UTP15: variants seen among roughly 807,000 people sequenced by gnomAD.
The protein encoded by UTP15 is U3 small nucleolar RNA-associated protein 15 homolog.
In UTP15, 5 loss-of-function variants were observed where a neutral mutation model predicts 59.1. The ratio of observed to expected loss-of-function variants is 0.08; its 90% CI spans 0.04 to 0.18. The LOEUF is 0.18. Ranked by LOEUF, UTP15 falls within the 10% of genes least tolerant of loss-of-function variation. UTP15 has a pLI of 1.00. For synonymous variants in UTP15, 211 were observed against 212.2 expected (o/e 0.99, Z 0.05); for missense variants, 494 against 616.7 (o/e 0.80, Z 2.11).
intron 9 of UTP15, 85 bp downstream of exon 9, chr5:73,578,090 A>C: frequency 7.1e-7 from 1 of 1,413,024 alleles, no homozygotes; most frequent in East Asian, 2.4e-5. Flanking sequence ...TGGAAAGCGT[A>C]GTTCACATGG....
Position 73,580,115 on chromosome 5 carries a change from T to C in UTP15, c.*21T>C, listed in dbSNP as rs759587950. 5 of 1,594,048 alleles carry C rather than the reference T, an allele frequency of 3.1e-6. No homozygotes were observed. The Admixed American group carries it at 5.1e-5, about 16-fold the overall frequency. ...CATAGTGTCTGCTAAATAAGACATATAAGAACTCTGAAGTTGGAATAGATT... is the reference window on the plus strand; with the variant it reads ...CATAGTGTCTGCTAAATAAGACATACAAGAACTCTGAAGTTGGAATAGATT... On this transcript the variant is annotated 3_prime_UTR_variant, in exon 13 of 13. Transcript: ENST00000296792.
chr5:73,578,092 T>A, intron 9 of UTP15, 87 bp downstream of exon 9: 1 of 1,411,172 alleles, frequency 7.1e-7, no homozygotes, highest in Admixed American at 2.5e-5. Context: ...GAAAGCGTAG[T>A]TCACATGGCA....
At position 73,580,800 on chromosome 5, in the gene UTP15, C is replaced by T. The variant is rs1184470921; in HGVS notation, c.*706C>T. Reference sequence around the variant, plus strand: ...TGCAGCCTTTCTACCAAGTTTTCACCTTGTTTCAGGTCAGAGGAATGATAG... The same window carrying T: ...TGCAGCCTTTCTACCAAGTTTTCACTTTGTTTCAGGTCAGAGGAATGATAG... On this transcript the variant is annotated 3_prime_UTR_variant, in exon 13 of 13. Coordinates refer to ENST00000296792, the MANE Select transcript of UTP15 (RefSeq NM_032175.4). 1.3e-5 allele frequency: 2 copies of T among 151,794 alleles called. No individual in the cohort carries two copies. The highest frequency in any genetic ancestry group is 3.9e-4 in the East Asian group (2 of 5,182). The allele number at this position is 151,794 out of a possible 1,614,324, so 9.4% of individuals were successfully genotyped here.
intron 6 of UTP15, 128 bp from the exon 7 acceptor site, chr5:73,572,361 A>G (rs1747955397): frequency 1.7e-6 from 2 of 1,190,526 alleles, no homozygotes; most frequent in Non-Finnish European, 2.4e-6. Context: ...TTTACCAGGC[A>G]GCCTGGCCTG....
At chr5:73,568,656 T>C in intron 4 of UTP15, 52 bp downstream of exon 4, 1 of 1,503,530 alleles carries the variant, frequency 6.7e-7, no homozygotes, top group South Asian at 1.3e-5. Flanking sequence ...TTGTAAGCTC[T>C]TTTTTTCTCT....
At chr5:73,569,476 T>G in intron 4 of UTP15, 21 bp from the exon 5 acceptor site, 1 of 1,509,804 alleles carries the variant, frequency 6.6e-7, no homozygotes, top group Non-Finnish European at 8.9e-7. Context: ...CTTTTTAATA[T>G]ACTGACCTTC....
In UTP15 at chr5:73,577,043, A is replaced by G; in HGVS notation, c.894+7A>G. 5.0e-6 allele frequency: 8 copies of G among 1,591,820 alleles called. No homozygotes were observed. The highest frequency in any genetic ancestry group is 6.8e-6 in the Non-Finnish European group (8 of 1,170,946). On this transcript the variant is annotated splice_region_variant and intron_variant, in intron 8 of 12. Coordinates refer to ENST00000296792, the MANE Select transcript of UTP15 (RefSeq NM_032175.4). ...TTTGAGTCTTGCCCTTGCAGTAAGT[A>G]CCTTTACCTATTTTTAAGTCTGTCA...
chr5:73,568,247 A>T lies in UTP15; in HGVS notation c.103A>T (p.Ile35Phe), dbSNP rs981668622. The T allele has an allele frequency of 6.2e-7, 1 of 1,609,542 alleles. No individual in the cohort carries two copies. The highest frequency in any genetic ancestry group is 1.7e-5 in the Admixed American group (1 of 59,596). The change falls in exon 3 of 13, where the codon ATT becomes TTT. Residue 35 changes from isoleucine (I) to phenylalanine (F), a missense_variant. Ile to Phe is a conservative substitution (Grantham distance 21). Transcript: ENST00000296792. ...YWNNYKTPVQ[I>F]KEFGAVSKVD... ...ATTTTTTATTAAGACCCCTGTTCAGATTAAGGAATTTGGTGCAGTTTCAAA... is the reference window on the plus strand; with the variant it reads ...ATTTTTTATTAAGACCCCTGTTCAGTTTAAGGAATTTGGTGCAGTTTCAAA...
In UTP15 at chr5:73,570,728, G is replaced by A. The variant is rs760997093; in HGVS notation, c.673+17G>A. 1 of 1,609,266 alleles carries A rather than the reference G, an allele frequency of 6.2e-7. No homozygotes were observed. The highest frequency in any genetic ancestry group is 8.5e-7 in the Non-Finnish European group (1 of 1,178,520). ...TGTCAGCAGGTACTTCTTAAAAATA[G>A]CTTTCACCAATATTGTTGGTTTTGA... On this transcript the variant is annotated intron_variant, in intron 6 of 12. Transcript: ENST00000296792.
rs1748222216 is a variant in UTP15 at position 73,579,227 on chromosome 5, A to G, written c.1280+77A>G. The G allele has an allele frequency of 2.5e-6, 4 of 1,602,898 alleles. No individual in the cohort carries two copies. The Admixed American group carries it at 5.1e-5, about 21-fold the overall frequency. Reference sequence around the variant, plus strand: ...CACCAAATAAAAGACATTTAGTTTGATCTTTGTAGAGAACTGATGAAACAA... The same window carrying G: ...CACCAAATAAAAGACATTTAGTTTGGTCTTTGTAGAGAACTGATGAAACAA... On this transcript the variant is annotated intron_variant, in intron 11 of 12. Transcript: ENST00000296792.
chr5:73,569,429 T>G, intron 4 of UTP15, 68 bp from the exon 5 acceptor site: 3 of 1,239,818 alleles, frequency 2.4e-6, no homozygotes, highest in Non-Finnish European at 3.3e-6. Context: ...AAAAGGAGCA[T>G]TTTATGTTAG....
chr5:73,572,107 CTT>C (rs1747949195), intron 6 of UTP15, among the ~76,000 whole-genome samples: 1 of 152,130 alleles, frequency 6.6e-6, no homozygotes, highest in Admixed American at 6.5e-5. Flanking sequence ...CTTTTTCTGT[CTT>C]TCCATATTAG....
At position 73,579,982 on chromosome 5, in the gene UTP15, A is replaced by G; in HGVS notation, c.1445A>G (p.Glu482Gly). The change falls in exon 13 of 13, where the codon GAA (glutamate) becomes GGA (glycine). Residue 482 changes from glutamate (E) to glycine (G), a missense_variant. Physicochemically the swap from Glu to Gly is moderately conservative, Grantham distance 98. Coordinates refer to ENST00000296792, the MANE Select transcript of UTP15 (RefSeq NM_032175.4). ...ATTGATTACCAAAGAGAATTGTTAG[A>G]AACCTTGGGGATGATGGATATGCTT... ...KEIDYQRELL[E>G]TLGMMDMLFA... 6 of 1,613,960 alleles carry G rather than the reference A, an allele frequency of 3.7e-6. No homozygotes were observed. The highest frequency in any genetic ancestry group is 5.1e-6 in the Non-Finnish European group (6 of 1,179,876).
Position 73,579,861 on chromosome 5 carries a change from C to A in UTP15, c.1340-16C>A. 2 of 1,541,618 alleles carry A rather than the reference C, an allele frequency of 1.3e-6. No individual in the cohort carries two copies. The highest frequency in any genetic ancestry group is 1.8e-6 in the Non-Finnish European group (2 of 1,141,690). On this transcript the variant is annotated splice_polypyrimidine_tract_variant and intron_variant, in intron 12 of 12. Coordinates refer to ENST00000296792, the MANE Select transcript of UTP15 (RefSeq NM_032175.4). ...AAGATATTGCTAGTTAATGTGTTTT[C>A]TTTCTCTCTTTTTAGATATATATCT...
chr5:73,567,971 T>C (rs1747830135), intron 2 of UTP15, among the ~76,000 whole-genome samples: 1 of 152,194 alleles, frequency 6.6e-6, no homozygotes, highest in African/African-American at 2.4e-5. Flanking sequence ...TAACTTTTTT[T>C]TTCTGGTAGA....
chr5:73,578,629 G>T (rs1221906467), intron 9 of UTP15, 122 bp from the exon 10 acceptor site: 2 of 773,114 alleles, frequency 2.6e-6, no homozygotes, highest in Non-Finnish European at 4.2e-6. Flanking sequence ...TACATTATGG[G>T]CATATGAACA....
chr5:73,577,834 T>G (rs1748146891), intron 8 of UTP15, 22 bp from the exon 9 acceptor site: 2 of 1,568,888 alleles, frequency 1.3e-6, no homozygotes, highest in Non-Finnish European at 1.7e-6. Context: ...ATAGACTAAC[T>G]TATTTTTCTA....
chr5:73,568,613 C>T lies in UTP15; in HGVS notation c.368+9C>T, dbSNP rs1166220852. On this transcript the variant is annotated intron_variant, in intron 4 of 12. Transcript: ENST00000296792. ...TTTGAAGGCCATACAAAGTAAGAGA[C>T]AGTTGGTTTCTGTGTGTTCTGGTTT... 5.0e-6 allele frequency: 8 copies of T among 1,597,216 alleles called. No individual in the cohort carries two copies. Among genetic ancestry groups the T allele is most frequent in the Non-Finnish European group, 6.8e-6 (8 of 1,174,090 alleles).
At chr5:73,572,655 A>G (rs905676967) in intron 7 of UTP15, 31 bp downstream of exon 7, 13 of 1,602,456 alleles carry the variant, frequency 8.1e-6, no homozygotes, top group African/African-American at 1.3e-5. Flanking sequence ...GTATATTATT[A>G]TTAGTGTACA....
Sources: allele counts gnomAD v4.1 joint callset (sites outside exome capture counted in the v4.1 genomes callset), GRCh38; gene constraint gnomAD v4.1.1; transcripts MANE v1.5; gene names NCBI Gene and HGNC (gene_info 2026-07-23, HGNC 2026-07-21).